Variants in GALNT17 observed in about 807,000 individuals in gnomAD.
GALNT17 encodes the protein UDP-GalNAc:polypeptide N-acetylgalactosaminyltransferase-like 3.
In GALNT17, 29 loss-of-function variants were observed where a neutral mutation model predicts 63.7. The ratio of observed to expected loss-of-function variants is 0.46; its 90% CI spans 0.34 to 0.62. GALNT17 has a LOEUF of 0.62. GALNT17 is among the 20% of genes least tolerant of loss of function. GALNT17 has a pLI of 0.01. For missense variants in GALNT17, 603 were observed against 799.6 expected, an observed-to-expected ratio of 0.75 and a Z score of 2.97; for synonymous variants, 305 against 318.3, an observed-to-expected ratio of 0.96 and a Z score of 0.45.
chr7:71,276,526 T>C (rs1790685059), intron 1 of GALNT17, among the ~76,000 whole-genome samples: 7 of 152,138 alleles, frequency 4.6e-5, no homozygotes, highest in Admixed American at 4.6e-4. Context: ...GCTGTTCTCA[T>C]GATAGTGAAT....
At chr7:71,600,549 A>T (rs937025991) in intron 6 of GALNT17, among the ~76,000 whole-genome samples, 5 of 152,074 alleles carry the variant, frequency 3.3e-5, no homozygotes, top group Middle Eastern at 3.2e-3. Context: ...GCTCTTATTT[A>T]TCTCCAACTT....
intron 1 of GALNT17, among the ~76,000 whole-genome samples, chr7:71,136,646 G>A (rs1353371575): frequency 2.6e-5 from 4 of 151,922 alleles, no homozygotes; most frequent in Non-Finnish European, 5.9e-5. Flanking sequence ...CACCATGCCC[G>A]GCTAATTTTT....
intron 1 of GALNT17, among the ~76,000 whole-genome samples, chr7:71,331,229 C>T (rs1028006587): frequency 6.6e-6 from 1 of 152,070 alleles, no homozygotes; most frequent in African/African-American, 2.4e-5. Flanking sequence ...TATCTCCTAC[C>T]CTGGGATGGT....
intron 1 of GALNT17, among the ~76,000 whole-genome samples, chr7:71,297,073 A>G: frequency 6.6e-6 from 1 of 152,236 alleles, no homozygotes; most frequent in East Asian, 1.9e-4. Flanking sequence ...TCTTAAGCAC[A>G]CCTCATTGCC....
chr7:71,519,087 A>G (rs2116745274), intron 5 of GALNT17, among the ~76,000 whole-genome samples: 1 of 152,294 alleles, frequency 6.6e-6, no homozygotes, highest in Non-Finnish European at 1.5e-5. Flanking sequence ...AGCAGAAAAG[A>G]ACAGGTGAGA....
intron 6 of GALNT17, among the ~76,000 whole-genome samples, chr7:71,628,259 C>T (rs1302195043): frequency 2.6e-5 from 4 of 152,112 alleles, no homozygotes; most frequent in South Asian, 2.1e-4. Context: ...TTAAGCTCCA[C>T]GTTTTTATTA....
rs1402351830 is a variant in GALNT17 at position 71,504,578 on chromosome 7, T to A, written c.963-66707T>A. Among the ~76,000 whole-genome samples, 5 of 150,172 alleles carry A rather than the reference T, an allele frequency of 3.3e-5. 1 individual carries two copies. In the South Asian group the frequency reaches 1.1e-3, roughly 33 times the overall value. Reference sequence around the variant, plus strand: ...AATTAGTTTACTTATTTACATATTTTGCAGTTTATTTACATTTTTTTACCT... The same window carrying A: ...AATTAGTTTACTTATTTACATATTTAGCAGTTTATTTACATTTTTTTACCT... On this transcript the variant is annotated intron_variant, in intron 5 of 10. Coordinates refer to ENST00000333538, the MANE Select transcript of GALNT17 (RefSeq NM_022479.3).
At chr7:71,688,555 G>GCT (rs10622321) in intron 9 of GALNT17, among the ~76,000 whole-genome samples, 114,628 of 151,962 alleles carry the variant, frequency 0.75, 43,367 homozygotes, top group East Asian at 0.85. Flanking sequence ...CTGAGAAGTG[G>GCT]CTCTCGTGAT....
At chr7:71,530,428 A>T (rs1788698403) in intron 5 of GALNT17, among the ~76,000 whole-genome samples, 2 of 152,168 alleles carry the variant, frequency 1.3e-5, no homozygotes, top group Non-Finnish European at 1.5e-5. Context: ...TATCTCAGTT[A>T]TTCTTAACGT....
At chr7:71,243,165 G>A (rs1562942055) in intron 1 of GALNT17, among the ~76,000 whole-genome samples, 1 of 152,156 alleles carries the variant, frequency 6.6e-6, no homozygotes, top group Non-Finnish European at 1.5e-5. Context: ...TTACAAGGCA[G>A]TTTTCTCTGA....
At chr7:71,357,895 C>T (rs1480482849) in intron 2 of GALNT17, among the ~76,000 whole-genome samples, 1 of 152,146 alleles carries the variant, frequency 6.6e-6, no homozygotes, top group African/African-American at 2.4e-5. Flanking sequence ...CTGTAAAACG[C>T]ATCAATCAGC....
chr7:71,225,276 T>C (rs1404586444), intron 1 of GALNT17, among the ~76,000 whole-genome samples: 1 of 152,194 alleles, frequency 6.6e-6, no homozygotes, highest in African/African-American at 2.4e-5. Context: ...GCCCATAGAC[T>C]CATTCTTACA....
At chr7:71,650,748 G>C (rs1224480118) in intron 6 of GALNT17, among the ~76,000 whole-genome samples, 1 of 152,166 alleles carries the variant, frequency 6.6e-6, no homozygotes, top group Admixed American at 6.5e-5. Context: ...AAGGATGGAG[G>C]ACATGCATGG....
At chr7:71,638,119 G>T (rs759245946) in intron 6 of GALNT17, among the ~76,000 whole-genome samples, 1 of 152,170 alleles carries the variant, frequency 6.6e-6, no homozygotes, top group Non-Finnish European at 1.5e-5. Flanking sequence ...CATTGCTGTG[G>T]CATTTGTAAA....
chr7:71,693,819 T>A (rs372033016), intron 9 of GALNT17, among the ~76,000 whole-genome samples: 1 of 145,020 alleles, frequency 6.9e-6, no homozygotes, highest in Non-Finnish European at 1.5e-5. Context: ...TAAAAAAAGT[T>A]AAAAAAAAAA....
At chr7:71,207,492 T>A (rs1789294559) in intron 1 of GALNT17, among the ~76,000 whole-genome samples, 1 of 152,206 alleles carries the variant, frequency 6.6e-6, no homozygotes, top group African/African-American at 2.4e-5. Context: ...TTCATTCTTC[T>A]TCTGCTATGC....
intron 1 of GALNT17, among the ~76,000 whole-genome samples, chr7:71,168,700 C>CGTGTGTGT (rs1166172380): frequency 2.6e-4 from 22 of 83,274 alleles, no homozygotes; most frequent in African/African-American, 1.3e-3. Context: ...CACATAGTTA[C>CGTGTGTGT]GTGTATGTGT....
chr7:71,565,845 C>CTTTT (rs71738437), intron 5 of GALNT17, among the ~76,000 whole-genome samples: 1 of 127,840 alleles, frequency 7.8e-6, no homozygotes. Flanking sequence ...CTTCTCTTTT[C>CTTTT]TTTTTTTTTT....
At chr7:71,151,316 T>C (rs1585840900) in intron 1 of GALNT17, among the ~76,000 whole-genome samples, 1 of 152,248 alleles carries the variant, frequency 6.6e-6, no homozygotes, top group East Asian at 1.9e-4. Context: ...CTTGACCTGC[T>C]ATTGGATTTA....
Sources: gnomAD v4.1 joint callset for allele counts (sites outside exome capture counted in the v4.1 genomes callset) on GRCh38, gnomAD v4.1.1 for gene constraint, MANE v1.5 for transcripts, NCBI Gene and HGNC (gene_info 2026-07-23, HGNC 2026-07-21) for gene names.